Variants in RBBP9 observed in about 807,000 individuals in gnomAD.
RBBP9 encodes the protein RB binding protein 9, serine hydrolase.
Under a neutral mutation model 24.2 loss-of-function variants are expected in RBBP9, and 20 were observed. The ratio of observed to expected loss-of-function variants is 0.83; its 90% CI spans 0.58 to 1.20. The LOEUF (loss-of-function observed/expected upper bound fraction) is 1.20. Among genes scored for constraint, RBBP9 ranks in the 50% most tolerant of loss-of-function variants. RBBP9 has a pLI of 0.00. For synonymous variants in RBBP9, 74 were observed against 84.6 expected (o/e 0.87, Z 0.69); for missense variants, 234 against 233.6 (o/e 1.00, Z -0.01).
In RBBP9 at chr20:18,493,916, C is replaced by T. The variant is rs1600213734; in HGVS notation, c.248+42G>A. 5 of 1,454,498 alleles carry T rather than the reference C, an allele frequency of 3.4e-6. No individual in the cohort carries two copies. In the East Asian group the frequency reaches 1.2e-4, roughly 34 times the overall value. 90.1% of individuals were successfully genotyped at this position (1,454,498 alleles called of 1,614,324 possible). A position where few individuals can be genotyped will look rare whatever the true frequency, so the allele number is the denominator to read the frequency against. Reference sequence around the variant, plus strand: ...CAAGGTATTTCTCAAGCAAGCATGACTGGAGCCCACAAAGGGGATAGCAGT... The same window carrying T: ...CAAGGTATTTCTCAAGCAAGCATGATTGGAGCCCACAAAGGGGATAGCAGT... On this transcript the variant is annotated intron_variant, in intron 3 of 4. Transcript: ENST00000337227.
chr20:18,494,507 G>A (rs186503831), intron 2 of RBBP9, among the ~76,000 whole-genome samples: 1 of 151,796 alleles, frequency 6.6e-6, no homozygotes, highest in African/African-American at 2.4e-5. Context: ...CTGAAACCCC[G>A]TCTCTGCTAA....
chr20:18,494,490 C>T (rs1403131277), intron 2 of RBBP9, among the ~76,000 whole-genome samples: 1 of 151,704 alleles, frequency 6.6e-6, no homozygotes, highest in East Asian at 1.9e-4. Context: ...ACCAGCCTGC[C>T]CAAATGCTGA....
At chr20:18,497,040 T>G in intron 1 of RBBP9, 29 bp downstream of exon 1, 1 of 1,594,096 alleles carries the variant, frequency 6.3e-7, no homozygotes, top group Non-Finnish European at 8.6e-7. Context: ...CCAGGCTGAC[T>G]TCACGGAGCA....
rs753813402 is a variant in RBBP9, at chr20:18,493,958, C to A, written c.248G>T (p.Arg83Met). 1 of 1,605,500 alleles carries A rather than the reference C, an allele frequency of 6.2e-7. No homozygotes were observed. Among genetic ancestry groups the A allele is most frequent in the Non-Finnish European group, 8.5e-7 (1 of 1,176,984 alleles). Residue 83 changes from arginine to methionine, a missense_variant and splice_region_variant, in exon 3 of 5, where the codon AGG becomes ATG. Arg to Met is a moderately conservative substitution (Grantham distance 91). Transcript: ENST00000337227. ...GHSSGAIAAM[R>M]YAETHRVYAI... is the part of the protein sequence containing the mutation. ...GATAGCAGTTTAACAAAGATCGCACCTCATGGCCGCGATGGCCCCAGAACT... is the reference window on the plus strand; with the variant it reads ...GATAGCAGTTTAACAAAGATCGCACATCATGGCCGCGATGGCCCCAGAACT...
intron 1 of RBBP9, 27 bp downstream of exon 1, chr20:18,497,042 C>G: frequency 6.3e-7 from 1 of 1,598,236 alleles, no homozygotes; most frequent in Non-Finnish European, 8.6e-7. Context: ...AGGCTGACTT[C>G]ACGGAGCAGC....
At position 18,497,216 on chromosome 20, in the gene RBBP9, C is replaced by G. The variant is rs371969543; in HGVS notation, c.-49G>C. 2 of 1,470,320 alleles carry G rather than the reference C, an allele frequency of 1.4e-6. No homozygotes were observed. The highest frequency in any genetic ancestry group is 1.9e-6 in the Non-Finnish European group (2 of 1,054,276). 91.1% of individuals were successfully genotyped at this position (1,470,320 alleles called of 1,614,324 possible). A position where few individuals can be genotyped will look rare whatever the true frequency, so the allele number is the denominator to read the frequency against. Reference sequence around the variant, plus strand: ...CCAGCGCGGGTCCAGCGGAGCTGAGCCCAGCCTGCTCCCGCAGGGAGCCTG... The same window carrying G: ...CCAGCGCGGGTCCAGCGGAGCTGAGGCCAGCCTGCTCCCGCAGGGAGCCTG... On this transcript the variant is annotated 5_prime_UTR_variant, in exon 1 of 5. Coordinates refer to ENST00000337227, the MANE Select transcript of RBBP9 (RefSeq NM_006606.3).
In RBBP9 at chr20:18,495,690, C is replaced by T. The variant is rs2059884129; in HGVS notation, c.142+148G>A. On this transcript the variant is annotated intron_variant, in intron 2 of 4. Transcript: ENST00000337227. ...ATTTTCTATGGCTTTTGGTTCACAC[C>T]CTCCTCCCCAAGCTGCTTGCCTTAT... 7.7e-6 allele frequency: 4 copies of T among 522,578 alleles called. No homozygotes were observed. The South Asian group carries it at 1.7e-4, about 22-fold the overall frequency. The allele number at this position is 522,578 out of a possible 1,614,324, so 32.4% of individuals were successfully genotyped here.
Position 18,489,968 on chromosome 20 carries a change from C to T in RBBP9, c.357G>A (p.Gln119=). ...RASGYFTRPW[Q]WEKIKANCPY... ...GGCAGTTGGCCTTGATCTTCTCCCA[C>T]TGCCAGGGGCGGGTGAAGTATCCTA... Residue 119 remains glutamine (Q), a synonymous_variant, in exon 5 of 5, where the codon CAG becomes CAA. Coordinates refer to ENST00000337227, the MANE Select transcript of RBBP9 (RefSeq NM_006606.3). 3 of 1,604,420 alleles carry T rather than the reference C, an allele frequency of 1.9e-6. No homozygotes were observed. Among genetic ancestry groups the T allele is most frequent in the African/African-American group, 1.3e-5 (1 of 74,914 alleles).
Position 18,487,884 on chromosome 20 carries a change from A to T in RBBP9, c.*1880T>A, listed in dbSNP as rs2059849801. 6.6e-6 allele frequency: 1 copy of T among 152,220 alleles called. No homozygotes were observed. The highest frequency in any genetic ancestry group is 2.1e-4 in the South Asian group (1 of 4,832). The allele number at this position is 152,220 out of a possible 1,614,324, so 9.4% of individuals were successfully genotyped here. Reference sequence around the variant, plus strand: ...AGAATCACTTGAACCCGGGAGGTGCAGGTTAGAGTGAGCTGAGATTTGTGC... The same window carrying T: ...AGAATCACTTGAACCCGGGAGGTGCTGGTTAGAGTGAGCTGAGATTTGTGC... On this transcript the variant is annotated 3_prime_UTR_variant, in exon 5 of 5. Transcript: ENST00000337227.
chr20:18,490,078 G>A, intron 4 of RBBP9, 88 bp from the exon 5 acceptor site: 3 of 916,308 alleles, frequency 3.3e-6, no homozygotes, highest in South Asian at 1.8e-5. Flanking sequence ...CCCACATAGA[G>A]ACGCAAAGGA....
At chr20:18,490,538 G>C in intron 3 of RBBP9, 58 bp from the exon 4 acceptor site, 1 of 1,282,334 alleles carries the variant, frequency 7.8e-7, no homozygotes, top group South Asian at 1.2e-5. Flanking sequence ...TCACCAAAAA[G>C]TCAATAAACT....
rs987539575 is a variant in RBBP9, at chr20:18,489,065, C to T, written c.*699G>A. ...AATCAGAAAATTGGCAACACTCTGCCCCATTTCCACATGGCAACAATTTAG... is the reference window on the plus strand; with the variant it reads ...AATCAGAAAATTGGCAACACTCTGCTCCATTTCCACATGGCAACAATTTAG... On this transcript the variant is annotated 3_prime_UTR_variant, in exon 5 of 5. Coordinates refer to ENST00000337227, the MANE Select transcript of RBBP9 (RefSeq NM_006606.3). The T allele has an allele frequency of 6.6e-6, 1 of 151,980 alleles. No homozygotes were observed. The highest frequency in any genetic ancestry group is 1.5e-5 in the Non-Finnish European group (1 of 68,002). 9.4% of individuals were successfully genotyped at this position (151,980 alleles called of 1,614,324 possible).
chr20:18,493,935 T>C (rs1377337408), intron 3 of RBBP9, 23 bp downstream of exon 3: 3 of 1,557,398 alleles, frequency 1.9e-6, no homozygotes, highest in Middle Eastern at 1.8e-4. Flanking sequence ...ACAAAGGGGA[T>C]AGCAGTTTAA....
chr20:18,493,781 T>C (rs984910730), intron 3 of RBBP9, among the ~76,000 whole-genome samples, 177 bp downstream of exon 3: 1 of 152,182 alleles, frequency 6.6e-6, no homozygotes, highest in African/African-American at 2.4e-5. Flanking sequence ...AGAGCAGATT[T>C]TTTGTTTTCT....
At chr20:18,496,621 T>TC (rs1217502339) in intron 1 of RBBP9, among the ~76,000 whole-genome samples, 3 of 152,216 alleles carry the variant, frequency 2.0e-5, no homozygotes. Flanking sequence ...ATAGGCAATG[T>TC]CCCAGGTTTT....
intron 2 of RBBP9, 87 bp downstream of exon 2, chr20:18,495,751 A>G: frequency 7.5e-7 from 1 of 1,330,892 alleles, no homozygotes; most frequent in Non-Finnish European, 1.1e-6. Context: ...TGGTTCCTCC[A>G]CTATGATATT....
rs2059855488 is a variant in RBBP9, at chr20:18,489,272, G to C, written c.*492C>G. 1.3e-5 allele frequency: 2 copies of C among 152,724 alleles called. No individual in the cohort carries two copies. The highest frequency in any genetic ancestry group is 4.8e-5 in the African/African-American group (2 of 41,472). The allele number at this position is 152,724 out of a possible 1,614,324, so 9.5% of individuals were successfully genotyped here. A position where few individuals can be genotyped will look rare whatever the true frequency, so the allele number is the denominator to read the frequency against. ...GGACTTAGGGGCAAGTGTCAGAGGT[G>C]AAGGCCCTAGTCTGAGTTTAATGTC... On this transcript the variant is annotated 3_prime_UTR_variant, in exon 5 of 5. Coordinates refer to ENST00000337227, the MANE Select transcript of RBBP9 (RefSeq NM_006606.3).
rs1232024267 is a variant in RBBP9 at position 18,495,897 on chromosome 20, G to A, written c.100-17C>T. On this transcript the variant is annotated splice_polypyrimidine_tract_variant and intron_variant, in intron 1 of 4. Transcript: ENST00000337227. The stretch of plus-strand genomic sequence containing the variant: ...ACCAGGTATCTATGATATGAGGGGG[G>A]AGAAAAAGCTATAATAAAGAGCTTA... The A allele has an allele frequency of 5.3e-6, 8 of 1,514,440 alleles. No homozygotes were observed. Among genetic ancestry groups the A allele is most frequent in the Admixed American group, 3.9e-5 (2 of 51,212 alleles). 93.8% of individuals were successfully genotyped at this position (1,514,440 alleles called of 1,614,324 possible).
chr20:18,493,188 T>C (rs1037296365), intron 3 of RBBP9, among the ~76,000 whole-genome samples: 3 of 152,150 alleles, frequency 2.0e-5, no homozygotes, highest in African/African-American at 7.2e-5. Context: ...CACTAGGCCT[T>C]ATAAGGCTAA....
Sources: allele counts gnomAD v4.1 joint callset (sites outside exome capture counted in the v4.1 genomes callset), GRCh38; gene constraint gnomAD v4.1.1; transcripts MANE v1.5; gene names NCBI Gene and HGNC (gene_info 2026-07-23, HGNC 2026-07-21).